XKR6: variants seen among roughly 807,000 people sequenced by gnomAD.
XKR6 encodes the protein XK related 6.
A neutral mutation model predicts 56.7 loss-of-function variants in XKR6; 22 were observed. That is an observed-to-expected ratio of 0.39 (90% CI 0.28 to 0.55). The LOEUF (loss-of-function observed/expected upper bound fraction) is 0.55. Among genes scored for constraint, XKR6 ranks in the 20% least tolerant of loss-of-function variants. The pLI is 0.66. For synonymous variants in XKR6, 524 were observed against 387.8 expected, an observed-to-expected ratio of 1.35 and a Z score of -4.13; for missense variants, 852 against 889.0, an observed-to-expected ratio of 0.96 and a Z score of 0.53.
intron 1 of XKR6, among the ~76,000 whole-genome samples, chr8:10,999,388 T>C: frequency 6.6e-6 from 1 of 152,252 alleles, no homozygotes; most frequent in Admixed American, 6.5e-5. Flanking sequence ...ATTTAGAATA[T>C]GTTCTCATTA....
intron 1 of XKR6, among the ~76,000 whole-genome samples, chr8:11,184,266 AC>A (rs1028523519): frequency 6.6e-6 from 1 of 152,152 alleles, no homozygotes; most frequent in African/African-American, 2.4e-5. Flanking sequence ...TTAAGAAGAA[AC>A]AAGAGCCCTC....
chr8:11,105,309 T>C (rs1156411161), intron 1 of XKR6: 1 of 152,196 alleles, frequency 6.6e-6, no homozygotes, highest in East Asian at 1.9e-4. Flanking sequence ...GAAAAGGACA[T>C]GAAGGTTTAA....
chr8:11,082,988 C>T (rs1488130269), intron 1 of XKR6, among the ~76,000 whole-genome samples: 1 of 152,238 alleles, frequency 6.6e-6, no homozygotes, highest in Non-Finnish European at 1.5e-5. Context: ...CCTGCCTCAC[C>T]TTCCCAGCCC....
At chr8:11,131,779 T>G (rs1045573053) in intron 1 of XKR6, among the ~76,000 whole-genome samples, 1 of 152,172 alleles carries the variant, frequency 6.6e-6, no homozygotes, top group African/African-American at 2.4e-5. Context: ...ACACAAATAC[T>G]TACCTTTGCA....
chr8:10,946,753 G>A (rs923734624), intron 1 of XKR6, among the ~76,000 whole-genome samples: 3 of 152,118 alleles, frequency 2.0e-5, no homozygotes, highest in Non-Finnish European at 2.9e-5. Flanking sequence ...CCCTCATGCT[G>A]TTCACAGACC....
At chr8:11,078,190 G>A (rs951311287) in intron 1 of XKR6, among the ~76,000 whole-genome samples, 4 of 152,234 alleles carry the variant, frequency 2.6e-5, no homozygotes, top group African/African-American at 9.6e-5. Context: ...GAAGGATGAA[G>A]TAGGGGAAGG....
intron 1 of XKR6, among the ~76,000 whole-genome samples, chr8:11,191,451 G>C (rs1803569287): frequency 6.6e-6 from 1 of 152,188 alleles, no homozygotes; most frequent in Non-Finnish European, 1.5e-5. Flanking sequence ...CCTTAACCAA[G>C]GGATAAAACT....
chr8:11,001,582 G>A (rs1020297796), intron 1 of XKR6, among the ~76,000 whole-genome samples: 2 of 152,194 alleles, frequency 1.3e-5, no homozygotes, highest in African/African-American at 4.8e-5. Context: ...GGCCAGGCAG[G>A]CCTCTCCTTA....
At chr8:10,924,561 T>G in intron 2 of XKR6, 73 bp downstream of exon 2, 2 of 1,526,278 alleles carry the variant, frequency 1.3e-6, no homozygotes, top group East Asian at 2.3e-5. Context: ...AGGCACGAAG[T>G]GTGTGGGAGG....
At chr8:11,169,895 G>A (rs1319101608) in intron 1 of XKR6, among the ~76,000 whole-genome samples, 7 of 151,948 alleles carry the variant, frequency 4.6e-5, no homozygotes, top group East Asian at 1.9e-4. Context: ...TTTTGTGTTC[G>A]TATATTTTAC....
chr8:11,040,183 C>CA (rs1799250502), intron 1 of XKR6, among the ~76,000 whole-genome samples: 1 of 151,960 alleles, frequency 6.6e-6, no homozygotes, highest in Non-Finnish European at 1.5e-5. Flanking sequence ...CCCTACTTTC[C>CA]ACTCCTGCAG....
intron 1 of XKR6, chr8:11,109,630 C>T (rs995478650): frequency 6.6e-5 from 10 of 152,200 alleles, no homozygotes; most frequent in Admixed American, 2.6e-4. Flanking sequence ...TCCCCCAACC[C>T]TACCACCATT....
chr8:10,941,404 G>A (rs1801383508), intron 1 of XKR6, among the ~76,000 whole-genome samples: 1 of 152,210 alleles, frequency 6.6e-6, no homozygotes, highest in South Asian at 2.1e-4. Context: ...GGGCCCTGTG[G>A]AGATGGAGAA....
chr8:11,100,012 G>C (rs1251407616), intron 1 of XKR6, among the ~76,000 whole-genome samples: 1 of 152,212 alleles, frequency 6.6e-6, no homozygotes, highest in East Asian at 1.9e-4. Flanking sequence ...GGGAGGGAGA[G>C]GGGGTGCAGC....
At chr8:11,119,969 T>C (rs923051656) in intron 1 of XKR6, among the ~76,000 whole-genome samples, 108 of 152,256 alleles carry the variant, frequency 7.1e-4, no homozygotes, top group Non-Finnish European at 1.3e-3. Context: ...GAAAAGGCCT[T>C]TGACAAAATT....
intron 1 of XKR6, among the ~76,000 whole-genome samples, chr8:11,112,772 G>A (rs1042336139): frequency 6.6e-6 from 1 of 152,188 alleles, no homozygotes; most frequent in East Asian, 1.9e-4. Context: ...TCAACCTAAT[G>A]GGGCCCAGAT....
intron 1 of XKR6, among the ~76,000 whole-genome samples, chr8:11,194,143 A>G (rs950583118): frequency 6.6e-6 from 1 of 152,248 alleles, no homozygotes; most frequent in Non-Finnish European, 1.5e-5. Flanking sequence ...TTAAGTGATC[A>G]AACCAGAATC....
chr8:10,981,102 G>T (rs1486670906), intron 1 of XKR6, among the ~76,000 whole-genome samples: 3 of 152,128 alleles, frequency 2.0e-5, no homozygotes, highest in East Asian at 3.9e-4. Flanking sequence ...AGCCTTTGTT[G>T]TCTTCTACTC....
chr8:10,944,052 G>C (rs1446107717), intron 1 of XKR6, among the ~76,000 whole-genome samples: 1 of 152,088 alleles, frequency 6.6e-6, no homozygotes, highest in Non-Finnish European at 1.5e-5. Context: ...CTTAGGAAGA[G>C]AGAAGCCTCT....
Sources: allele counts gnomAD v4.1 joint callset (sites outside exome capture counted in the v4.1 genomes callset), GRCh38; gene constraint gnomAD v4.1.1; transcripts MANE v1.5; gene names NCBI Gene and HGNC (gene_info 2026-07-23, HGNC 2026-07-21).